The following DYRK1A variants were observed in gnomAD, a reference collection of about 807,000 sequenced individuals.
DYRK1A encodes dual specificity tyrosine phosphorylation regulated kinase 1A, also known as dual specificity tyrosine-phosphorylation-regulated kinase 1A.
Under a neutral mutation model 79.7 loss-of-function variants are expected in DYRK1A, and 9 were observed. The ratio of observed to expected loss-of-function variants is 0.11; its 90% confidence interval spans 0.07 to 0.20. The LOEUF is 0.20. DYRK1A is among the 10% of genes least tolerant of loss of function. The probability of loss-of-function intolerance (pLI) is 1.00; values close to 1 mark genes in which losing one functional copy is unlikely to be tolerated. For synonymous variants in DYRK1A, 349 were observed against 329.7 expected (o/e 1.06, Z -0.63); for missense variants, 622 against 956.0 (o/e 0.65, Z 4.61).
intron 1 of DYRK1A, among the ~76,000 whole-genome samples, chr21:37,385,763 T>G (rs925513960): frequency 1.3e-5 from 2 of 152,200 alleles, no homozygotes; most frequent in Admixed American, 6.5e-5. Context: ...GAAAGCACTT[T>G]TAGTATTACC....
chr21:37,457,049 T>G (rs147761079), intron 2 of DYRK1A, among the ~76,000 whole-genome samples: 3 of 68,188 alleles, frequency 4.4e-5, no homozygotes, highest in South Asian at 5.2e-4. Context: ...TATTTATTTA[T>G]TTATTTATTT....
In DYRK1A at chr21:37,463,203, C is replaced by CGTGTGTGTGTGTGTGTGTGT. The variant is rs6147501; in HGVS notation, c.11-9470_11-9451dup. Among the ~76,000 whole-genome samples, 767 of 145,340 alleles carry CGTGTGTGTGTGTGTGTGTGT rather than the reference C, an allele frequency of 5.3e-3. 4 individuals carry two copies. The highest frequency in any genetic ancestry group is 0.018 in the East Asian group (85 of 4,830). ...TGTGTGTGTGTGTTTAATGTTGGCA[C>CGTGTGTGTGTGTGTGTGTGT]GTGTGTGTGTGTGTGTGTGTGTGTG... On this transcript the variant is annotated intron_variant, in intron 2 of 11. Coordinates refer to ENST00000647188, the MANE Select transcript of DYRK1A (RefSeq NM_001347721.2).
At chr21:37,392,242 C>A (rs573901237) in intron 1 of DYRK1A, among the ~76,000 whole-genome samples, 1 of 152,156 alleles carries the variant, frequency 6.6e-6, no homozygotes, top group African/African-American at 2.4e-5. Context: ...TCTTCTGTAA[C>A]CTGACGTACT....
In DYRK1A at chr21:37,505,418, A is replaced by G. The variant is rs944371260; in HGVS notation, c.1348A>G (p.Met450Val). The change falls in exon 10 of 12, where the codon ATG becomes GTG. Residue 450 changes from methionine (M) to valine (V), a missense_variant. Coordinates refer to ENST00000647188, the MANE Select transcript of DYRK1A (RefSeq NM_001347721.2). The part of the protein sequence containing the change: ...YLKFKDLILR[M>V]LDYDPKTRIQ... ...GAAGTTCAAAGACCTCATTTTAAGG[A>G]TGCTTGATTATGACCCCAAAACTCG... 1 of 1,614,060 alleles carries G rather than the reference A, an allele frequency of 6.2e-7. No individual in the cohort carries two copies. The highest frequency in any genetic ancestry group is 1.3e-5 in the African/African-American group (1 of 74,918).
intron 9 of DYRK1A, among the ~76,000 whole-genome samples, chr21:37,500,616 G>T (rs1253966599): frequency 1.3e-5 from 2 of 151,998 alleles, no homozygotes; most frequent in Admixed American, 1.3e-4. Flanking sequence ...TTGTTAGAAG[G>T]TTATTTAATT....
rs74812090 is a variant in DYRK1A, at chr21:37,385,096, A to G, written c.-77+17468A>G. Among the ~76,000 whole-genome samples the G allele has an allele frequency of 6.7e-3, 1,017 of 152,184 alleles. 9 individuals carry two copies. The highest frequency in any genetic ancestry group is 0.023 in the African/African-American group (946 of 41,540). On this transcript the variant is annotated intron_variant, in intron 1 of 11. Coordinates refer to ENST00000647188, the MANE Select transcript of DYRK1A (RefSeq NM_001347721.2). ...AAGTTGGCTTCATATATACATCTAC[A>G]TGAAGTTAGAGTAGTTGAAAATCAG...
At chr21:37,476,304 A>T (rs1369742039) in intron 3 of DYRK1A, among the ~76,000 whole-genome samples, 1 of 152,224 alleles carries the variant, frequency 6.6e-6, no homozygotes, top group East Asian at 1.9e-4. Context: ...AGGGGATTGC[A>T]TGGAAGACTT....
intron 2 of DYRK1A, among the ~76,000 whole-genome samples, chr21:37,458,043 C>G (rs1185236946): frequency 6.6e-6 from 1 of 152,182 alleles, no homozygotes; most frequent in Non-Finnish European, 1.5e-5. Flanking sequence ...TATTCCTGGC[C>G]GCCTCTGTGT....
intron 2 of DYRK1A, among the ~76,000 whole-genome samples, chr21:37,460,655 T>C (rs2051810558): frequency 6.6e-6 from 1 of 152,212 alleles, no homozygotes; most frequent in Non-Finnish European, 1.5e-5. Context: ...GCTCAAAGAC[T>C]GCTCAATACC....
intron 11 of DYRK1A, among the ~76,000 whole-genome samples, chr21:37,506,676 TTTTG>T (rs775529433): frequency 1.3e-5 from 2 of 152,214 alleles, no homozygotes; most frequent in Non-Finnish European, 2.9e-5. Flanking sequence ...TTTGTTGTTG[TTTTG>T]TTTGTTTTCT....
At chr21:37,425,568 A>G (rs1410580696) in intron 2 of DYRK1A, 3 of 152,200 alleles carry the variant, frequency 2.0e-5, no homozygotes, top group Non-Finnish European at 2.9e-5. Context: ...GTAAAAGAAA[A>G]TACATTTATA....
rs950896861 is a variant in DYRK1A at position 37,519,297 on chromosome 21, A to G, written c.*6766A>G. ...TACAGTTTCCCTCTCTAGAATCCCA[A>G]AGAGGTTCAGATCCCACTGCTCCTC... On this transcript the variant is annotated 3_prime_UTR_variant, in exon 12 of 12. Coordinates refer to ENST00000647188, the MANE Select transcript of DYRK1A (RefSeq NM_001347721.2). 9.2e-5 allele frequency: 14 copies of G among 152,178 alleles called. No individual in the cohort carries two copies. Among genetic ancestry groups the G allele is most frequent in the Admixed American group, 9.2e-4 (14 of 15,286 alleles). 9.4% of individuals were successfully genotyped at this position (152,178 alleles called of 1,614,324 possible). A position where few individuals can be genotyped will look rare whatever the true frequency, so the allele number is the denominator to read the frequency against.
At chr21:37,509,047 A>C (rs770420733) in intron 11 of DYRK1A, among the ~76,000 whole-genome samples, 13 of 152,318 alleles carry the variant, frequency 8.5e-5, no homozygotes, top group Non-Finnish European at 1.8e-4. Context: ...TTTGTTACTT[A>C]ATTTTTGAGT....
At chr21:37,450,897 C>T (rs1327976064) in intron 2 of DYRK1A, among the ~76,000 whole-genome samples, 10 of 143,236 alleles carry the variant, frequency 7.0e-5, no homozygotes, top group African/African-American at 2.7e-4. Context: ...AGAATACAGT[C>T]ATGCACCAAA....
At chr21:37,421,084 TTAA>T (rs1229193083) in intron 2 of DYRK1A, among the ~76,000 whole-genome samples, 1 of 152,168 alleles carries the variant, frequency 6.6e-6, no homozygotes. Context: ...GTATAAAGTG[TTAA>T]TAACTTTTGA....
chr21:37,408,584 A>G (rs1602424588), intron 1 of DYRK1A, among the ~76,000 whole-genome samples: 2 of 152,152 alleles, frequency 1.3e-5, no homozygotes, highest in South Asian at 2.1e-4. Flanking sequence ...TTTTTAGCAC[A>G]TAGAACAGTC....
Position 37,512,667 on chromosome 21 carries a change from T to TC in DYRK1A, c.*136_*137insC. On this transcript the variant is annotated 3_prime_UTR_variant, in exon 12 of 12. Transcript: ENST00000647188. The stretch of plus-strand genomic sequence containing the variant: ...CGCTACAAGAGGGCAAAGCTGATTT[T>TC]TTTTTTAACTTGAAAAGATTGCAAA... 1 of 1,032,096 alleles carries TC rather than the reference T, an allele frequency of 9.7e-7. No homozygotes were observed. The highest frequency in any genetic ancestry group is 1.4e-6 in the Non-Finnish European group (1 of 722,918). 63.9% of individuals were successfully genotyped at this position (1,032,096 alleles called of 1,614,324 possible).
chr21:37,460,729 A>C (rs2051812768), intron 2 of DYRK1A, among the ~76,000 whole-genome samples: 1 of 152,224 alleles, frequency 6.6e-6, no homozygotes, highest in Non-Finnish European at 1.5e-5. Flanking sequence ...TTATTAATTT[A>C]AAATTTATGG....
intron 1 of DYRK1A, among the ~76,000 whole-genome samples, chr21:37,415,944 A>G (rs1043748715): frequency 1.3e-5 from 2 of 152,136 alleles, no homozygotes; most frequent in South Asian, 4.1e-4. Context: ...GATGCAGAGT[A>G]GTGCATATAG....
Sources: gnomAD v4.1 joint callset for allele counts (sites outside exome capture counted in the v4.1 genomes callset) on GRCh38, gnomAD v4.1.1 for gene constraint, MANE v1.5 for transcripts, NCBI Gene and HGNC (gene_info 2026-07-23, HGNC 2026-07-21) for gene names.